SLC1A6: variants seen among roughly 807,000 people sequenced by gnomAD.
The protein encoded by SLC1A6 is excitatory amino acid transporter 4.
Under a neutral mutation model 42.1 loss-of-function variants are expected in SLC1A6, and 15 were observed. The observed-to-expected ratio is 0.36, with a 90% CI of 0.24 to 0.55. SLC1A6 has a LOEUF of 0.55. Ranked by LOEUF, SLC1A6 falls within the 20% of genes least tolerant of loss-of-function variation. The pLI, the probability that SLC1A6 is intolerant of heterozygous loss-of-function variation, is 0.88. For missense variants in SLC1A6, 542 were observed against 772.5 expected, an observed-to-expected ratio of 0.70 and a Z score of 3.54; for synonymous variants, 317 against 319.7, an observed-to-expected ratio of 0.99 and a Z score of 0.09.
intron 1 of SLC1A6, among the ~76,000 whole-genome samples, chr19:14,992,528 C>G (rs573828427): frequency 6.6e-6 from 1 of 151,928 alleles, no homozygotes; most frequent in Admixed American, 6.6e-5. Context: ...ACAGGTGGTG[C>G]GCACCTGTAA....
In SLC1A6 at chr19:14,950,285, G is replaced by A. The variant is rs1245318823; in HGVS notation, c.1605C>T (p.Thr535=). 6.2e-7 allele frequency: 1 copy of A among 1,612,148 alleles called. No individual in the cohort carries two copies. The highest frequency in any genetic ancestry group is 1.3e-5 in the African/African-American group (1 of 74,912). Residue 535 remains threonine (T), a synonymous_variant, in exon 10 of 10, where the codon ACC becomes ACT. Coordinates refer to ENST00000594383, the MANE Select transcript of SLC1A6 (RefSeq NM_005071.3). ...TGTAGGGTTTCCCCAGGCTGGGGAG[G>A]GTAAGCTCAGCTTCCTGAAGCTCCA... is the stretch of plus-strand genomic sequence containing the variant. ...RELELQEAEL[T]LPSLGKPYKS...
intron 6 of SLC1A6, among the ~76,000 whole-genome samples, chr19:14,958,046 C>T (rs968225521): frequency 1.6e-4 from 25 of 152,130 alleles, no homozygotes; most frequent in Non-Finnish European, 2.9e-5. Context: ...ACGGGTCAAT[C>T]GAGTGAGTTT....
chr19:14,990,898 G>T (rs1457748768), intron 1 of SLC1A6, among the ~76,000 whole-genome samples: 1 of 151,912 alleles, frequency 6.6e-6, no homozygotes, highest in Non-Finnish European at 1.5e-5. Context: ...GATTGTAAAT[G>T]TTCTTACCAT....
At chr19:14,952,087 C>T (rs2145161669) in intron 9 of SLC1A6, among the ~76,000 whole-genome samples, 1 of 151,670 alleles carries the variant, frequency 6.6e-6, no homozygotes, top group South Asian at 2.1e-4. Context: ...GCTGGAATTA[C>T]AGGCACATGT....
At chr19:15,002,272 G>A (rs2045875696) in intron 1 of SLC1A6, among the ~76,000 whole-genome samples, 1 of 151,790 alleles carries the variant, frequency 6.6e-6, no homozygotes. Context: ...GTTTTGTTTG[G>A]TTTGGTTTGG....
chr19:15,004,987 A>C (rs1291160873), intron 1 of SLC1A6, among the ~76,000 whole-genome samples: 1 of 152,220 alleles, frequency 6.6e-6, no homozygotes. Context: ...GGCCAGGCAC[A>C]GTTGCTCACA....
intron 2 of SLC1A6, 27 bp downstream of exon 2, chr19:14,972,679 C>A (rs1343507893): frequency 6.2e-7 from 1 of 1,601,948 alleles, no homozygotes; most frequent in Non-Finnish European, 8.5e-7. Context: ...TCCCTGAAGT[C>A]CCCGCCCTCC....
chr19:14,975,802 G>A lies in SLC1A6; in HGVS notation c.-7-2885C>T, dbSNP rs149012506. On this transcript the variant is annotated intron_variant, in intron 1 of 9. Coordinates refer to ENST00000594383, the MANE Select transcript of SLC1A6 (RefSeq NM_005071.3). Reference sequence around the variant, plus strand: ...AAAGAAAGAAAGGAGGGAAGGGAACGGAAGGGAAGGGAAGGGGACAAAGGG... The same window carrying A: ...AAAGAAAGAAAGGAGGGAAGGGAACAGAAGGGAAGGGAAGGGGACAAAGGG... Among the ~76,000 whole-genome samples the A allele has an allele frequency of 6.7e-5, 9 of 134,346 alleles. 1 individual carries two copies. In the East Asian group the frequency reaches 1.2e-3, roughly 18 times the overall value. 88.1% of individuals were successfully genotyped at this position (134,346 alleles called of 152,430 possible).
intron 9 of SLC1A6, among the ~76,000 whole-genome samples, chr19:14,951,273 A>AGAAAGAAAG (rs1555704145): frequency 1.0e-5 from 1 of 99,760 alleles, no homozygotes; most frequent in South Asian, 3.9e-4. Flanking sequence ...AAAAAAAAAA[A>AGAAAGAAAG]AAAAAGAAAG....
At chr19:14,976,712 G>A (rs2045715248) in intron 1 of SLC1A6, 1 of 151,942 alleles carries the variant, frequency 6.6e-6, no homozygotes, top group African/African-American at 2.4e-5. Context: ...AAGGGATCAA[G>A]GCTCCCTGAT....
intron 2 of SLC1A6, among the ~76,000 whole-genome samples, chr19:14,972,497 A>T (rs190781753): frequency 6.6e-6 from 1 of 152,348 alleles, no homozygotes; most frequent in African/African-American, 2.4e-5. Flanking sequence ...TGCATGTAAC[A>T]TTGTGTGCAC....
chr19:14,983,283 T>G (rs1473755588), upstream of SLC1A6, among the ~76,000 whole-genome samples: 2 of 152,192 alleles, frequency 1.3e-5, no homozygotes, highest in Non-Finnish European at 2.9e-5. Flanking sequence ...TTTCTAACTT[T>G]CATGTTTTTT....
At chr19:15,003,198 G>A (rs187621912) in intron 1 of SLC1A6, among the ~76,000 whole-genome samples, 33 of 152,108 alleles carry the variant, frequency 2.2e-4, no homozygotes, top group Non-Finnish European at 1.5e-5. Context: ...GGCTGGTCTC[G>A]AACTCCTGGC....
chr19:14,989,012 C>G (rs2045805809), intron 1 of SLC1A6, among the ~76,000 whole-genome samples: 1 of 152,090 alleles, frequency 6.6e-6, no homozygotes, highest in African/African-American at 2.4e-5. Context: ...GAGCAAGATC[C>G]TGTCTTTAAA....
chr19:14,971,616 G>A (rs547533662), intron 3 of SLC1A6, 121 bp downstream of exon 3: 3 of 984,478 alleles, frequency 3.0e-6, no homozygotes, highest in Admixed American at 4.6e-5. Context: ...CCAGACACAG[G>A]CTCCATGTTT....
intron 4 of SLC1A6, among the ~76,000 whole-genome samples, chr19:14,966,856 T>G (rs1231253009): frequency 6.6e-6 from 1 of 151,722 alleles, no homozygotes; most frequent in Non-Finnish European, 1.5e-5. Context: ...GAAGGGAACA[T>G]CACACCCTGG....
At chr19:14,973,004 A>T in intron 1 of SLC1A6, 87 bp from the exon 2 acceptor site, 3 of 1,065,486 alleles carry the variant, frequency 2.8e-6, no homozygotes, top group Non-Finnish European at 4.0e-6. Flanking sequence ...AAGGGTAATG[A>T]GCGCTTCCTG....
chr19:14,990,798 A>AC (rs1178871894), intron 1 of SLC1A6, among the ~76,000 whole-genome samples: 2 of 152,004 alleles, frequency 1.3e-5, no homozygotes, highest in Non-Finnish European at 2.9e-5. Context: ...AAAAAAAAAA[A>AC]AAACGAATAA....
chr19:14,972,384 G>C (rs942481072), intron 2 of SLC1A6, among the ~76,000 whole-genome samples: 2 of 143,228 alleles, frequency 1.4e-5, no homozygotes, highest in Non-Finnish European at 1.5e-5. Context: ...GTGCATGTTT[G>C]TGTTTGCACC....
Sources: allele counts gnomAD v4.1 joint callset (sites outside exome capture counted in the v4.1 genomes callset), GRCh38; gene constraint gnomAD v4.1.1; transcripts MANE v1.5; gene names NCBI Gene and HGNC (gene_info 2026-07-23, HGNC 2026-07-21).